SEMA5A: variants seen among roughly 807,000 people sequenced by gnomAD.
SEMA5A encodes the protein semaphorin-5A.
In SEMA5A, 55 loss-of-function variants were observed where a neutral mutation model predicts 135.5. The observed-to-expected ratio is 0.41, with a 90% CI of 0.33 to 0.51. The LOEUF (loss-of-function observed/expected upper bound fraction) is 0.51. Among genes scored for constraint, SEMA5A ranks in the 20% least tolerant of loss-of-function variants. SEMA5A has a pLI of 0.37. For missense variants in SEMA5A, 1,290 were observed against 1,419.9 expected (o/e 0.91, Z 1.47); for synonymous variants, 580 against 546.5 (o/e 1.06, Z -0.85).
At chr5:9,175,783 T>C (rs141727294) in intron 11 of SEMA5A, among the ~76,000 whole-genome samples, 155 of 152,362 alleles carry the variant, frequency 1.0e-3, no homozygotes, top group African/African-American at 3.6e-3. Context: ...AGCCTCGTAA[T>C]TGGAGTCCTA....
chr5:9,190,195 T>C, intron 11 of SEMA5A, 72 bp downstream of exon 11: 1 of 1,498,168 alleles, frequency 6.7e-7, no homozygotes, highest in East Asian at 2.4e-5. Flanking sequence ...AAATTGAATG[T>C]TTAGAATCTA....
intron 1 of SEMA5A, among the ~76,000 whole-genome samples, chr5:9,483,994 G>C (rs910583021): frequency 6.6e-6 from 1 of 152,152 alleles, no homozygotes; most frequent in Non-Finnish European, 1.5e-5. Flanking sequence ...GACAGGCGCT[G>C]GGAGCTCATT....
chr5:9,074,509 G>A (rs781254585), intron 16 of SEMA5A, among the ~76,000 whole-genome samples: 7 of 152,040 alleles, frequency 4.6e-5, no homozygotes, highest in Non-Finnish European at 8.8e-5. Context: ...ATCAAAATAA[G>A]AAGTTTCTGC....
chr5:9,419,921 A>G (rs962211446), intron 2 of SEMA5A, among the ~76,000 whole-genome samples: 3 of 152,324 alleles, frequency 2.0e-5, no homozygotes, highest in African/African-American at 7.2e-5. Flanking sequence ...TGTCTAGAGT[A>G]GATACTCTTT....
intron 6 of SEMA5A, among the ~76,000 whole-genome samples, chr5:9,233,426 T>C (rs1747737868): frequency 6.6e-6 from 1 of 152,228 alleles, no homozygotes. Context: ...CAGGTTTTAT[T>C]ATAAGTTTTT....
chr5:9,429,270 C>T (rs545419003), intron 2 of SEMA5A, among the ~76,000 whole-genome samples: 29 of 152,276 alleles, frequency 1.9e-4, no homozygotes, highest in African/African-American at 6.7e-4. Context: ...CCATAGCCTT[C>T]CAGCTCTGTG....
intron 2 of SEMA5A, among the ~76,000 whole-genome samples, chr5:9,416,103 A>C (rs755646223): frequency 2.0e-5 from 3 of 152,160 alleles, no homozygotes; most frequent in Non-Finnish European, 2.9e-5. Context: ...ATTTAGAGAG[A>C]TATTGGTAAA....
Position 9,040,223 on chromosome 5 carries a change from G to A in SEMA5A, c.*2674C>T, listed in dbSNP as rs191188116. The stretch of plus-strand genomic sequence containing the variant: ...GGCAGGAAGGAAGAACAAAAGGAGG[G>A]AATGAAGGACAAAAACAAAGATAAA... On this transcript the variant is annotated 3_prime_UTR_variant, in exon 23 of 23. Transcript: ENST00000382496. The A allele has an allele frequency of 1.3e-5, 2 of 152,176 alleles. No homozygotes were observed. The highest frequency in any genetic ancestry group is 4.8e-5 in the African/African-American group (2 of 41,416). 9.4% of individuals were successfully genotyped at this position (152,176 alleles called of 1,614,324 possible). A position where few individuals can be genotyped will look rare whatever the true frequency, so the allele number is the denominator to read the frequency against.
At chr5:9,123,435 AG>A (rs1443840119) in intron 13 of SEMA5A, among the ~76,000 whole-genome samples, 1 of 149,580 alleles carries the variant, frequency 6.7e-6, no homozygotes, top group African/African-American at 2.5e-5. Context: ...GAAAAGGAGG[AG>A]GGGGAGGAGG....
intron 3 of SEMA5A, among the ~76,000 whole-genome samples, chr5:9,350,733 CT>C (rs1754076991): frequency 1.3e-5 from 2 of 152,208 alleles, no homozygotes; most frequent in Non-Finnish European, 2.9e-5. Context: ...CAGTGCTGTC[CT>C]TATGACTGCA....
At chr5:9,319,712 C>T (rs535555789) in intron 4 of SEMA5A, among the ~76,000 whole-genome samples, 79 of 151,880 alleles carry the variant, frequency 5.2e-4, no homozygotes, top group Middle Eastern at 3.4e-3. Context: ...CAAATGAGCA[C>T]GAGGTGGGAT....
chr5:9,368,439 A>G (rs1755004107), intron 3 of SEMA5A, among the ~76,000 whole-genome samples: 1 of 152,250 alleles, frequency 6.6e-6, no homozygotes, highest in Admixed American at 6.5e-5. Context: ...ATATTTACTC[A>G]TTTAAATGTA....
chr5:9,488,949 C>T (rs753839386), intron 1 of SEMA5A, among the ~76,000 whole-genome samples: 2 of 152,136 alleles, frequency 1.3e-5, no homozygotes, highest in Non-Finnish European at 1.5e-5. Context: ...TTGACATGTT[C>T]AATGGTTGGT....
At chr5:9,181,136 T>C (rs1252727915) in intron 11 of SEMA5A, among the ~76,000 whole-genome samples, 1 of 152,228 alleles carries the variant, frequency 6.6e-6, no homozygotes, top group East Asian at 1.9e-4. Flanking sequence ...CTCCGCTTTT[T>C]TCCCTGAGGT....
chr5:9,304,121 T>C (rs1751745125), intron 5 of SEMA5A, among the ~76,000 whole-genome samples: 3 of 152,174 alleles, frequency 2.0e-5, no homozygotes, highest in African/African-American at 7.2e-5. Flanking sequence ...ACCCTATTTG[T>C]TTTATAATTG....
chr5:9,305,913 C>T (rs533395621), intron 5 of SEMA5A, among the ~76,000 whole-genome samples: 5 of 152,202 alleles, frequency 3.3e-5, no homozygotes, highest in East Asian at 3.9e-4. Context: ...GGCAGAGGAA[C>T]AACTGTGTTG....
At chr5:9,257,074 C>T (rs989056561) in intron 5 of SEMA5A, among the ~76,000 whole-genome samples, 1 of 152,170 alleles carries the variant, frequency 6.6e-6, no homozygotes. Flanking sequence ...CTGTAGTCTT[C>T]TGTCTGCATC....
intron 12 of SEMA5A, among the ~76,000 whole-genome samples, chr5:9,149,896 G>C (rs1410862541): frequency 6.6e-6 from 1 of 152,210 alleles, no homozygotes; most frequent in African/African-American, 2.4e-5. Context: ...AGAGCTCATA[G>C]GGTAGCAGGT....
At chr5:9,140,109 T>C (rs1216541198) in intron 12 of SEMA5A, among the ~76,000 whole-genome samples, 1 of 152,198 alleles carries the variant, frequency 6.6e-6, no homozygotes, top group Non-Finnish European at 1.5e-5. Context: ...CCTTTTCAAT[T>C]ACTACAAGTT....
Sources: allele counts gnomAD v4.1 joint callset (sites outside exome capture counted in the v4.1 genomes callset), GRCh38; gene constraint gnomAD v4.1.1; transcripts MANE v1.5; gene names NCBI Gene and HGNC (gene_info 2026-07-23, HGNC 2026-07-21).